Variants in ANO10 observed in about 807,000 individuals in gnomAD.
The protein encoded by ANO10 is anoctamin-10.
In ANO10, 77 loss-of-function variants were observed where a neutral mutation model predicts 74.7. The observed-to-expected ratio is 1.03, with a 90% confidence interval of 0.86 to 1.25. ANO10 has a LOEUF of 1.25. Ranked by LOEUF, ANO10 falls within the 50% of genes most tolerant of loss-of-function variation. The probability of loss-of-function intolerance (pLI) is 0.00; values close to 1 mark genes in which losing one functional copy is unlikely to be tolerated. For missense variants in ANO10, 721 were observed against 778.1 expected, an observed-to-expected ratio of 0.93 and a Z score of 0.87; for synonymous variants, 279 against 284.9, an observed-to-expected ratio of 0.98 and a Z score of 0.21.
At chr3:43,610,612 A>C (rs1289804353) in intron 1 of ANO10, among the ~76,000 whole-genome samples, 2 of 152,188 alleles carry the variant, frequency 1.3e-5, no homozygotes, top group Non-Finnish European at 2.9e-5. Context: ...ATTTTATGGA[A>C]CCAACATATA....
intron 1 of ANO10, among the ~76,000 whole-genome samples, chr3:43,648,586 T>C (rs1011570003): frequency 7.9e-5 from 12 of 152,116 alleles, no homozygotes; most frequent in Non-Finnish European, 1.6e-4. Context: ...TTGTAAACTG[T>C]CATGGTGCTG....
At chr3:43,486,141 G>A (rs1436269005) in intron 11 of ANO10, among the ~76,000 whole-genome samples, 1 of 152,278 alleles carries the variant, frequency 6.6e-6, no homozygotes, top group East Asian at 1.9e-4. Flanking sequence ...GAGAGATTGA[G>A]TCTGACACCT....
At chr3:43,532,983 T>C (rs889338805) in intron 11 of ANO10, among the ~76,000 whole-genome samples, 2 of 152,208 alleles carry the variant, frequency 1.3e-5, no homozygotes, top group South Asian at 2.1e-4. Flanking sequence ...GTGTCCTCTA[T>C]GGCAAAGCCA....
At position 43,565,746 on chromosome 3, in the gene ANO10, A is replaced by G. The variant is rs1252250034; in HGVS notation, c.1219-19T>C. The stretch of plus-strand genomic sequence containing the variant: ...AGTTGAACTGCCAAAAAAAAAAAAA[A>G]AAAAGATAAGTGTTAAGCACTGCTT... On this transcript the variant is annotated intron_variant, in intron 7 of 12. Transcript: ENST00000292246. The G allele has an allele frequency of 2.3e-5, 35 of 1,552,560 alleles. No homozygotes were observed. The highest frequency in any genetic ancestry group is 1.7e-4 in the Middle Eastern group (1 of 5,958).
At chr3:43,406,868 T>G (rs1392311084) in intron 12 of ANO10, among the ~76,000 whole-genome samples, 2 of 152,040 alleles carry the variant, frequency 1.3e-5, no homozygotes, top group African/African-American at 4.8e-5. Flanking sequence ...ACTAGGTTAT[T>G]CCACCTGCAG....
chr3:43,681,573 C>T (rs922463987), intron 1 of ANO10, among the ~76,000 whole-genome samples: 9 of 152,120 alleles, frequency 5.9e-5, no homozygotes, highest in African/African-American at 1.2e-4. Context: ...CTGCACCAAG[C>T]GAACCTAATA....
At chr3:43,592,113 G>A (rs1278461240) in intron 4 of ANO10, among the ~76,000 whole-genome samples, 2 of 152,350 alleles carry the variant, frequency 1.3e-5, no homozygotes, top group South Asian at 2.1e-4. Context: ...CTCGAACTGG[G>A]TGGAGCCGAC....
At chr3:43,410,189 G>A (rs1343185484) in intron 12 of ANO10, among the ~76,000 whole-genome samples, 4 of 151,982 alleles carry the variant, frequency 2.6e-5, no homozygotes, top group Non-Finnish European at 5.9e-5. Context: ...TTTTGTACAA[G>A]TTTTGTTTAA....
chr3:43,466,784 C>G (rs1368584787), intron 11 of ANO10, among the ~76,000 whole-genome samples: 1 of 152,094 alleles, frequency 6.6e-6, no homozygotes, highest in Non-Finnish European at 1.5e-5. Flanking sequence ...AAAAATTTGT[C>G]TTCAACACAT....
At chr3:43,458,554 C>T (rs1344403212) in intron 11 of ANO10, among the ~76,000 whole-genome samples, 18 of 152,158 alleles carry the variant, frequency 1.2e-4, no homozygotes, top group Non-Finnish European at 2.4e-4. Context: ...TTCTCTTATG[C>T]ATTACAAATT....
chr3:43,672,168 T>C (rs2084067292), intron 1 of ANO10, among the ~76,000 whole-genome samples: 1 of 152,198 alleles, frequency 6.6e-6, no homozygotes, highest in Non-Finnish European at 1.5e-5. Flanking sequence ...GGATGGCACT[T>C]ATGCATGTGT....
chr3:43,408,191 G>T (rs1017338205), intron 12 of ANO10, among the ~76,000 whole-genome samples: 1 of 152,176 alleles, frequency 6.6e-6, no homozygotes, highest in African/African-American at 2.4e-5. Flanking sequence ...TTAGGTATCT[G>T]AATTCTTAAC....
Position 43,650,677 on chromosome 3 carries a change from C to A in ANO10, c.-12+40840G>T, listed in dbSNP as rs149138531. ...ACATACAAGAATTAAAGTACTGAAT[C>A]ATTTTTTTCCAGTTTTTAGGCTGTT... On this transcript the variant is annotated intron_variant, in intron 1 of 3. Coordinates refer to the ANO10 transcript ENST00000413397. 6.7e-3 allele frequency among the ~76,000 whole-genome samples: 1,019 copies of A among 152,290 alleles called. 41 individuals are homozygous for A. The highest frequency in any genetic ancestry group is 0.062 in the Admixed American group (949 of 15,290).
intron 11 of ANO10, among the ~76,000 whole-genome samples, chr3:43,505,029 G>A (rs1456663193): frequency 6.6e-6 from 1 of 152,102 alleles, no homozygotes; most frequent in Non-Finnish European, 1.5e-5. Context: ...TCTGAACAAA[G>A]TTCTTTTGAA....
chr3:43,501,127 C>T (rs1339888019), intron 11 of ANO10, among the ~76,000 whole-genome samples: 1 of 152,166 alleles, frequency 6.6e-6, no homozygotes, highest in African/African-American at 2.4e-5. Flanking sequence ...TCAGGCTGTA[C>T]AAGAAGCATG....
chr3:43,398,747 C>A (rs1202066795), intron 12 of ANO10, among the ~76,000 whole-genome samples: 4 of 152,208 alleles, frequency 2.6e-5, no homozygotes, highest in African/African-American at 9.6e-5. Flanking sequence ...CTAGTTCCGC[C>A]TCTTTGAAAT....
At chr3:43,503,163 G>A (rs1350497953) in intron 11 of ANO10, among the ~76,000 whole-genome samples, 3 of 152,160 alleles carry the variant, frequency 2.0e-5, no homozygotes, top group Non-Finnish European at 4.4e-5. Flanking sequence ...CTACAGTTAT[G>A]GATGTAGTGA....
At chr3:43,385,608 G>A (rs1418591803) in intron 12 of ANO10, among the ~76,000 whole-genome samples, 1 of 152,084 alleles carries the variant, frequency 6.6e-6, no homozygotes, top group Non-Finnish European at 1.5e-5. Context: ...CATCCGCAGC[G>A]ACCTGGATGG....
intron 1 of ANO10, among the ~76,000 whole-genome samples, chr3:43,612,193 A>T (rs2082868450): frequency 7.3e-6 from 1 of 136,654 alleles, no homozygotes; most frequent in Non-Finnish European, 1.6e-5. Flanking sequence ...TATGCCCAAG[A>T]AACAATCTCA....
Sources: allele counts gnomAD v4.1 joint callset (sites outside exome capture counted in the v4.1 genomes callset), GRCh38; gene constraint gnomAD v4.1.1; transcripts MANE v1.5; gene names NCBI Gene and HGNC (gene_info 2026-07-23, HGNC 2026-07-21).